The following GALK2 variants were observed in gnomAD, a reference collection of about 807,000 sequenced individuals.
GALK2 encodes the protein galactokinase 2.
Under a neutral mutation model 52.4 loss-of-function variants are expected in GALK2, and 36 were observed. The observed-to-expected ratio is 0.69, with a 90% CI of 0.53 to 0.91. GALK2 has a LOEUF of 0.91. GALK2 is among the 40% of genes least tolerant of loss of function. GALK2 has a pLI of 0.00. For synonymous variants in GALK2, 176 were observed against 199.1 expected (o/e 0.88, Z 0.98); for missense variants, 579 against 559.1 (o/e 1.04, Z -0.36).
intron 8 of GALK2, among the ~76,000 whole-genome samples, chr15:49,300,264 C>T (rs1302610902): frequency 6.6e-6 from 1 of 151,938 alleles, no homozygotes; most frequent in Non-Finnish European, 1.5e-5. Context: ...GCAACCCCTG[C>T]TCTTTTTGTC....
At chr15:49,277,359 G>A (rs1441283228) in intron 5 of GALK2, among the ~76,000 whole-genome samples, 2 of 137,200 alleles carry the variant, frequency 1.5e-5, no homozygotes, top group East Asian at 4.4e-4. Flanking sequence ...TAGTAGAGAC[G>A]GGGTTTCACC....
intron 5 of GALK2, among the ~76,000 whole-genome samples, chr15:49,248,841 G>A (rs537127541): frequency 9.7e-4 from 148 of 152,168 alleles, no homozygotes; most frequent in Middle Eastern, 3.4e-3. Flanking sequence ...TAGCGTAAAC[G>A]AAGGCAAACA....
Position 49,178,228 on chromosome 15 carries a change from G to T in GALK2, c.53+7853G>T, listed in dbSNP as rs867832655. On this transcript the variant is annotated intron_variant, in intron 1 of 9. Transcript: ENST00000560031. ...ATATATATATATATATATATATATA[G>T]AAATAAAATGTATAAATATGTCTAT... Among the ~76,000 whole-genome samples, 391 of 59,458 alleles carry T rather than the reference G, an allele frequency of 6.6e-3. 2 individuals are homozygous for T. Among genetic ancestry groups the T allele is most frequent in the African/African-American group, 0.02 (289 of 14,804 alleles). The allele number at this position is 59,458 out of a possible 152,430, so 39.0% of individuals were successfully genotyped here.
chr15:49,280,901 A>G (rs2032592909), intron 5 of GALK2, among the ~76,000 whole-genome samples: 2 of 152,104 alleles, frequency 1.3e-5, no homozygotes, highest in African/African-American at 4.8e-5. Flanking sequence ...CAGTGGTGCA[A>G]CCTCGGCTCA....
At chr15:49,313,793 G>T (rs531961358) in intron 8 of GALK2, among the ~76,000 whole-genome samples, 2 of 152,328 alleles carry the variant, frequency 1.3e-5, no homozygotes, top group African/African-American at 4.8e-5. Context: ...AGTAGAAGAT[G>T]AGGTAATAAA....
At chr15:49,182,819 A>G (rs1314279725) in intron 1 of GALK2, among the ~76,000 whole-genome samples, 2 of 152,074 alleles carry the variant, frequency 1.3e-5, no homozygotes, top group Non-Finnish European at 2.9e-5. Context: ...TCTTTTGCCC[A>G]TTTTTGAATT....
At chr15:49,232,080 AT>A (rs2141462037) in intron 3 of GALK2, among the ~76,000 whole-genome samples, 1 of 152,290 alleles carries the variant, frequency 6.6e-6, no homozygotes, top group Admixed American at 6.5e-5. Flanking sequence ...CCTAGTAGAG[AT>A]TCTCCATGAC....
rs573301980 is a variant in GALK2, at chr15:49,344,609, G to A, written c.427-22882G>A. Among the ~76,000 whole-genome samples, 62 of 152,282 alleles carry A rather than the reference G, an allele frequency of 4.1e-4. 1 individual carries two copies. The South Asian group carries it at 0.012, about 31-fold the overall frequency. On this transcript the variant is annotated intron_variant, in intron 3 of 3. Coordinates refer to the GALK2 transcript ENST00000558399. ...TGAATTCGAAGGAAAGATAGCCCTG[G>A]TCTTGCTTAGCTTGGACTTGGAGCA...
At chr15:49,339,834 G>A (rs1308392054) in intron 3 of GALK2, among the ~76,000 whole-genome samples, 3 of 152,184 alleles carry the variant, frequency 2.0e-5, no homozygotes, top group Non-Finnish European at 4.4e-5. Context: ...GTAGAGGAAT[G>A]AATCTAGAGA....
chr15:49,190,141 G>T (rs1393419340), intron 1 of GALK2, among the ~76,000 whole-genome samples: 2 of 152,144 alleles, frequency 1.3e-5, no homozygotes, highest in Non-Finnish European at 2.9e-5. Flanking sequence ...AGATTATCAG[G>T]TATCTTCAAA....
intron 5 of GALK2, among the ~76,000 whole-genome samples, chr15:49,267,037 C>T (rs551325419): frequency 1.1e-4 from 17 of 151,934 alleles, no homozygotes; most frequent in East Asian, 1.9e-4. Context: ...ACTTGAGCCA[C>T]GTAAAGGGGT....
At chr15:49,180,949 C>T (rs1595902800) in intron 1 of GALK2, among the ~76,000 whole-genome samples, 1 of 151,996 alleles carries the variant, frequency 6.6e-6, no homozygotes, top group Non-Finnish European at 1.5e-5. Flanking sequence ...TGTATTTGGC[C>T]GACTTATCAC....
chr15:49,354,212 C>T (rs535582799), intron 3 of GALK2, among the ~76,000 whole-genome samples: 1 of 152,286 alleles, frequency 6.6e-6, no homozygotes, highest in Non-Finnish European at 1.5e-5. Flanking sequence ...ACACTATTTA[C>T]ATGTTTAAAA....
chr15:49,214,332 C>CTTTTTTT lies in GALK2; in HGVS notation c.143-2847_143-2841dup, dbSNP rs35359586. Among the ~76,000 whole-genome samples, 43 of 126,666 alleles carry CTTTTTTT rather than the reference C, an allele frequency of 3.4e-4. 1 individual carries two copies. The highest frequency in any genetic ancestry group is 7.7e-4 in the African/African-American group (25 of 32,628). 83.1% of individuals were successfully genotyped at this position (126,666 alleles called of 152,430 possible). Reference sequence around the variant, plus strand: ...TTAACCCCATTTCTTCACTTTGTCACTTTTTTTTTTTTTTTTTGAGATGGA... The same window carrying CTTTTTTT: ...TTAACCCCATTTCTTCACTTTGTCACTTTTTTTTTTTTTTTTTTTTTTTTGAGATGGA... On this transcript the variant is annotated intron_variant, in intron 2 of 9. Coordinates refer to ENST00000560031, the MANE Select transcript of GALK2 (RefSeq NM_002044.4).
Position 49,265,122 on chromosome 15 carries a change from T to C in GALK2, c.505-16865T>C, listed in dbSNP as rs910667044. On this transcript the variant is annotated intron_variant, in intron 5 of 9. Transcript: ENST00000560031. ...TCTTCAAAGCTGTCAGACAGGGACATTTAAGTCTGCAGAGGTTACTGCTGT... is the reference window on the plus strand; with the variant it reads ...TCTTCAAAGCTGTCAGACAGGGACACTTAAGTCTGCAGAGGTTACTGCTGT... 1.1e-4 allele frequency among the ~76,000 whole-genome samples: 16 copies of C among 152,304 alleles called. No homozygotes were observed. In the East Asian group the frequency reaches 2.1e-3, roughly 20 times the overall value.
chr15:49,294,895 G>T (rs892332898), intron 8 of GALK2, among the ~76,000 whole-genome samples: 3 of 152,176 alleles, frequency 2.0e-5, no homozygotes, highest in African/African-American at 7.2e-5. Flanking sequence ...GTGGAGAGTA[G>T]AGCTTGAATG....
At chr15:49,174,253 G>A (rs1393038473) in intron 1 of GALK2, among the ~76,000 whole-genome samples, 5 of 152,154 alleles carry the variant, frequency 3.3e-5, no homozygotes, top group Admixed American at 6.5e-5. Flanking sequence ...TGGAAGCAGA[G>A]CCAAAGGTAA....
chr15:49,192,473 T>TTATATATATATGTGTGTATATATATA lies in GALK2; in HGVS notation c.54-8676_54-8675insGTGTATATATATATATATATATATGT, dbSNP rs1566921537. Among the ~76,000 whole-genome samples, 44 of 82,406 alleles carry TTATATATATATGTGTGTATATATATA rather than the reference T, an allele frequency of 5.3e-4. 2 individuals are homozygous for TTATATATATATGTGTGTATATATATA. Among genetic ancestry groups the TTATATATATATGTGTGTATATATATA allele is most frequent in the African/African-American group, 1.9e-3 (42 of 21,768 alleles). 54.1% of individuals were successfully genotyped at this position (82,406 alleles called of 152,430 possible). A position where few individuals can be genotyped will look rare whatever the true frequency, so the allele number is the denominator to read the frequency against. On this transcript the variant is annotated intron_variant, in intron 1 of 9. Coordinates refer to ENST00000560031, the MANE Select transcript of GALK2 (RefSeq NM_002044.4). ...ATTATAAACTATTCTGCAATGAATA[T>TTATATATATATGTGTGTATATATATA]TATATATATATGTATATATATATAT...
chr15:49,292,573 C>G, intron 8 of GALK2, 36 bp downstream of exon 8: 1 of 1,524,072 alleles, frequency 6.6e-7, no homozygotes, highest in South Asian at 1.1e-5. Context: ...ATATGTTATT[C>G]CCTCACTTAC....
Sources: gnomAD v4.1 joint callset for allele counts (sites outside exome capture counted in the v4.1 genomes callset) on GRCh38, gnomAD v4.1.1 for gene constraint, MANE v1.5 for transcripts, NCBI Gene and HGNC (gene_info 2026-07-23, HGNC 2026-07-21) for gene names.